Variants in SNX29 observed in about 807,000 individuals in gnomAD.
SNX29 encodes the protein sorting nexin-29.
Under a neutral mutation model 102.1 loss-of-function variants are expected in SNX29, and 78 were observed. The ratio of observed to expected loss-of-function variants is 0.76; its 90% CI spans 0.64 to 0.92. SNX29 has a LOEUF of 0.92. SNX29 is among the 40% of genes least tolerant of loss of function. The pLI, the probability that SNX29 is intolerant of heterozygous loss-of-function variation, is 0.00. For missense variants in SNX29, 1,280 were observed against 1,061.7 expected (o/e 1.21, Z -2.86); for synonymous variants, 580 against 414.5 (o/e 1.40, Z -4.85).
chr16:12,300,317 C>T (rs1342594057), intron 15 of SNX29, among the ~76,000 whole-genome samples: 2 of 152,190 alleles, frequency 1.3e-5, no homozygotes, highest in African/African-American at 4.8e-5. Context: ...CCAACCAAGG[C>T]AGAGTTGATC....
At chr16:12,236,479 CT>C (rs2077936701) in intron 14 of SNX29, among the ~76,000 whole-genome samples, 1 of 152,218 alleles carries the variant, frequency 6.6e-6, no homozygotes, top group Non-Finnish European at 1.5e-5. Flanking sequence ...TGGTTGGTGC[CT>C]AGAAGCCCTT....
intron 16 of SNX29, among the ~76,000 whole-genome samples, chr16:12,387,650 C>T (rs74511287): frequency 0.011 from 1,600 of 152,244 alleles, 37 homozygotes; most frequent in African/African-American, 0.036. Flanking sequence ...TGAGTACTGG[C>T]TCTGTTTTAC....
At chr16:12,173,887 T>A (rs1038542312) in intron 13 of SNX29, among the ~76,000 whole-genome samples, 1 of 152,170 alleles carries the variant, frequency 6.6e-6, no homozygotes, top group Non-Finnish European at 1.5e-5. Flanking sequence ...TCAAGCAATT[T>A]TCCTGCCTCA....
chr16:12,325,923 GGGA>G (rs1423818547), intron 15 of SNX29, among the ~76,000 whole-genome samples: 1 of 152,024 alleles, frequency 6.6e-6, no homozygotes, highest in African/African-American at 2.4e-5. Flanking sequence ...CGACTGTTCA[GGGA>G]GACTGAGGCA....
chr16:12,341,776 GCT>G (rs1222743037), intron 15 of SNX29, among the ~76,000 whole-genome samples: 1 of 152,224 alleles, frequency 6.6e-6, no homozygotes, highest in Non-Finnish European at 1.5e-5. Context: ...TAAGTCAGAA[GCT>G]TGTGCCCTGT....
Position 12,043,872 on chromosome 16 carries a change from C to T in SNX29, c.428+795C>T, listed in dbSNP as rs372323228. Among the ~76,000 whole-genome samples, 30 of 152,312 alleles carry T rather than the reference C, an allele frequency of 2.0e-4. No homozygotes were observed. In the East Asian group the frequency reaches 5.4e-3, roughly 27 times the overall value. The stretch of plus-strand genomic sequence containing the variant: ...AGTTCGAGCGATTCTCCTGCCTCAG[C>T]CTCCTGAGTAGCTGGGATTACAGGC... On this transcript the variant is annotated intron_variant, in intron 5 of 20. Transcript: ENST00000566228.
At chr16:12,423,072 C>T (rs1030042765) in intron 18 of SNX29, among the ~76,000 whole-genome samples, 1 of 152,170 alleles carries the variant, frequency 6.6e-6, no homozygotes. Flanking sequence ...TAGTGTCATG[C>T]AGCAGTTGAG....
intron 15 of SNX29, among the ~76,000 whole-genome samples, chr16:12,342,569 G>A (rs768522274): frequency 2.0e-5 from 3 of 152,178 alleles, no homozygotes; most frequent in Non-Finnish European, 4.4e-5. Context: ...GCCCAGTTCT[G>A]TGTGTCAATC....
intron 16 of SNX29, among the ~76,000 whole-genome samples, chr16:12,382,513 G>C (rs1163304164): frequency 6.6e-6 from 1 of 152,218 alleles, no homozygotes; most frequent in Non-Finnish European, 1.5e-5. Context: ...CTACTCCTTA[G>C]GAGGATGATG....
At chr16:12,564,092 TG>T (rs2078885054) in intron 20 of SNX29, among the ~76,000 whole-genome samples, 1 of 152,204 alleles carries the variant, frequency 6.6e-6, no homozygotes, top group African/African-American at 2.4e-5. Context: ...GTAATATCTT[TG>T]TAAAATCCTC....
intron 20 of SNX29, among the ~76,000 whole-genome samples, chr16:12,544,260 C>T (rs555908546): frequency 4.6e-5 from 7 of 152,292 alleles, no homozygotes; most frequent in Non-Finnish European, 2.9e-5. Context: ...ACCCAGATTG[C>T]AACTCAGGAC....
intron 16 of SNX29, among the ~76,000 whole-genome samples, chr16:12,379,619 G>A (rs1012156729): frequency 6.6e-6 from 1 of 152,212 alleles, no homozygotes; most frequent in African/African-American, 2.4e-5. Context: ...ATAAAGGGAG[G>A]TGATTATAAA....
intron 15 of SNX29, among the ~76,000 whole-genome samples, chr16:12,354,637 G>C (rs2082080283): frequency 6.6e-6 from 1 of 152,196 alleles, no homozygotes; most frequent in Admixed American, 6.5e-5. Context: ...CGGCAGCTGT[G>C]GATTTCTGGT....
rs916248240 is a variant in SNX29, at chr16:12,556,941, C to T, written c.2319-11565C>T. 1.4e-3 allele frequency among the ~76,000 whole-genome samples: 25 copies of T among 17,468 alleles called. 1 individual carries two copies. The highest frequency in any genetic ancestry group is 6.1e-3 in the South Asian group (7 of 1,150). The allele number at this position is 17,468 out of a possible 152,430, so 11.5% of individuals were successfully genotyped here. On this transcript the variant is annotated intron_variant, in intron 20 of 20. Transcript: ENST00000566228. ...GATCTCGGCTCACTACAGCCTCTGC[C>T]GCTCAGGCTCAGTCTTCCCACTTCT... is the stretch of plus-strand genomic sequence containing the variant.
chr16:12,554,882 C>G (rs542285541), intron 20 of SNX29, among the ~76,000 whole-genome samples: 3 of 152,240 alleles, frequency 2.0e-5, no homozygotes, highest in African/African-American at 7.2e-5. Context: ...GATATGTCAG[C>G]ATGCCATACA....
At chr16:12,100,046 C>T (rs894109050) in intron 11 of SNX29, among the ~76,000 whole-genome samples, 23 of 152,286 alleles carry the variant, frequency 1.5e-4, no homozygotes, top group African/African-American at 5.5e-4. Context: ...AGAATCAAGG[C>T]TCAGCGATGG....
At chr16:12,203,125 T>A (rs2076955435) in intron 14 of SNX29, among the ~76,000 whole-genome samples, 1 of 150,512 alleles carries the variant, frequency 6.6e-6, no homozygotes, top group Non-Finnish European at 1.5e-5. Context: ...ACTGGTGGCA[T>A]TGGAGGTGAC....
At chr16:12,526,443 C>T (rs1567655727) in intron 20 of SNX29, 1 of 431,188 alleles carries the variant, frequency 2.3e-6, no homozygotes, top group Non-Finnish European at 4.5e-6. Context: ...TGTGAGAAGA[C>T]ATTATAGTAT....
chr16:12,553,878 CTT>C (rs1308615111), intron 20 of SNX29, among the ~76,000 whole-genome samples: 6 of 151,828 alleles, frequency 4.0e-5, no homozygotes, highest in Non-Finnish European at 8.8e-5. Flanking sequence ...GAGTCTCACT[CTT>C]TTGCCTAGGC....
Sources: gnomAD v4.1 joint callset for allele counts (sites outside exome capture counted in the v4.1 genomes callset) on GRCh38, gnomAD v4.1.1 for gene constraint, MANE v1.5 for transcripts, NCBI Gene and HGNC (gene_info 2026-07-23, HGNC 2026-07-21) for gene names.